MYLK: variants seen among roughly 807,000 people sequenced by gnomAD.
MYLK encodes myosin light chain kinase.
MYLK carries 106 observed loss-of-function variants against 203.4 expected under a neutral mutation model. The observed-to-expected ratio is 0.52, with a 90% confidence interval of 0.45 to 0.61. MYLK has a LOEUF of 0.61. Among genes scored for constraint, MYLK ranks in the 20% least tolerant of loss-of-function variants. The probability of loss-of-function intolerance (pLI) is 0.00; values close to 1 mark genes in which losing one functional copy is unlikely to be tolerated. For missense variants in MYLK, 2,072 were observed against 2,442.3 expected, an observed-to-expected ratio of 0.85 and a Z score of 3.20; for synonymous variants, 867 against 959.5, an observed-to-expected ratio of 0.90 and a Z score of 1.78.
In MYLK at chr3:123,699,963, G is replaced by C. The variant is rs1553802996; in HGVS notation, c.3448+57C>G. On this transcript the variant is annotated intron_variant, in intron 18 of 33. Transcript: ENST00000360304. Reference sequence around the variant, plus strand: ...GGTCAGCGAGACCAACGCTCCATGAGCTAGGAGTGGCCCTGGTACAGAGGC... The same window carrying C: ...GGTCAGCGAGACCAACGCTCCATGACCTAGGAGTGGCCCTGGTACAGAGGC... The C allele has an allele frequency of 3.1e-6, 5 of 1,611,928 alleles. No homozygotes were observed. The South Asian group carries it at 3.3e-5, about 11-fold the overall frequency.
intron 2 of MYLK, among the ~76,000 whole-genome samples, chr3:123,860,938 G>C (rs943235935): frequency 6.6e-6 from 1 of 152,030 alleles, no homozygotes; most frequent in Non-Finnish European, 1.5e-5. Context: ...AGACCATCCT[G>C]GCTAAAACGG....
rs549676121 is a variant in MYLK at position 123,664,290 on chromosome 3, C to G, written c.3832-32G>C. ...GCGGAGGATGGAGCAGGTGCTGGAG[C>G]CTTGGGCCCCTGGGCTAGGAAAGGA... On this transcript the variant is annotated intron_variant, in intron 22 of 33. Coordinates refer to ENST00000360304, the MANE Select transcript of MYLK (RefSeq NM_053025.4). 9 of 1,614,052 alleles carry G rather than the reference C, an allele frequency of 5.6e-6. No homozygotes were observed. The East Asian group carries it at 1.3e-4, about 24-fold the overall frequency.
At chr3:123,623,373 T>C (rs1018632154) in intron 31 of MYLK, 1 of 152,210 alleles carries the variant, frequency 6.6e-6, no homozygotes, top group Admixed American at 6.5e-5. Context: ...ACCCTGTTAA[T>C]CTGCTCAACC....
At chr3:123,669,706 A>G (rs977011889) in intron 20 of MYLK, among the ~76,000 whole-genome samples, 1 of 152,134 alleles carries the variant, frequency 6.6e-6, no homozygotes, top group African/African-American at 2.4e-5. Context: ...TAGAAGGAAC[A>G]GAGAAATGGA....
intron 24 of MYLK, among the ~76,000 whole-genome samples, chr3:123,651,499 T>C (rs2059210007): frequency 6.6e-6 from 1 of 152,238 alleles, no homozygotes; most frequent in Non-Finnish European, 1.5e-5. Flanking sequence ...CCTGTGGTGC[T>C]GCTGCCTGAT....
Position 123,664,089 on chromosome 3 carries a change from C to T in MYLK, c.3985+16G>A. The T allele has an allele frequency of 3.1e-6, 5 of 1,613,816 alleles. No individual in the cohort carries two copies. Among genetic ancestry groups the T allele is most frequent in the Non-Finnish European group, 4.2e-6 (5 of 1,179,910 alleles). Reference sequence around the variant, plus strand: ...CCCTTGCCCCAAGCTCCATGCCACCCAGCCACCAGACTCACCCACGACAGT... The same window carrying T: ...CCCTTGCCCCAAGCTCCATGCCACCTAGCCACCAGACTCACCCACGACAGT... On this transcript the variant is annotated intron_variant, in intron 23 of 33. Coordinates refer to ENST00000360304, the MANE Select transcript of MYLK (RefSeq NM_053025.4).
intron 2 of MYLK, among the ~76,000 whole-genome samples, chr3:123,842,528 G>A (rs781560897): frequency 9.9e-5 from 15 of 152,110 alleles, no homozygotes; most frequent in Non-Finnish European, 1.3e-4. Flanking sequence ...TACAAAATAT[G>A]CATTACTCTT....
chr3:123,731,880 T>C (rs1348136524), intron 11 of MYLK, among the ~76,000 whole-genome samples: 2 of 152,040 alleles, frequency 1.3e-5, no homozygotes, highest in Non-Finnish European at 1.5e-5. Context: ...GATGTTCCCA[T>C]AAAAACTTTT....
At chr3:123,748,232 T>G (rs1412381764) in intron 5 of MYLK, among the ~76,000 whole-genome samples, 1 of 152,188 alleles carries the variant, frequency 6.6e-6, no homozygotes. Flanking sequence ...AGATCTCATG[T>G]GAACTAACTG....
At chr3:123,747,290 A>G (rs2063048437) in intron 5 of MYLK, among the ~76,000 whole-genome samples, 1 of 152,086 alleles carries the variant, frequency 6.6e-6, no homozygotes, top group African/African-American at 2.4e-5. Flanking sequence ...GTCACAGTCT[A>G]GGTGACCTGC....
rs1334896115 is a variant in MYLK at position 123,861,352 on chromosome 3, G to A, written c.-127+15207C>T. On this transcript the variant is annotated intron_variant, in intron 2 of 33. Transcript: ENST00000360304. ...AGCAATGCGCCTGTAGAAGCCTGTA[G>A]GTGTCTGTCCTTCAGATCCCTCATC... Among the ~76,000 whole-genome samples the A allele has an allele frequency of 2.0e-5, 3 of 152,232 alleles. No homozygotes were observed. In the South Asian group the frequency reaches 6.2e-4, roughly 31 times the overall value.
At chr3:123,792,762 C>T (rs1364950198) in intron 4 of MYLK, among the ~76,000 whole-genome samples, 1 of 152,104 alleles carries the variant, frequency 6.6e-6, no homozygotes, top group Non-Finnish European at 1.5e-5. Context: ...CTGGTAGTGC[C>T]CAGAGAGAAA....
chr3:123,865,602 A>C (rs1236958471), intron 2 of MYLK, among the ~76,000 whole-genome samples: 1 of 152,214 alleles, frequency 6.6e-6, no homozygotes, highest in African/African-American at 2.4e-5. Context: ...CTCTGTCCTG[A>C]AGAAGCTCCA....
At chr3:123,622,826 T>C (rs1341803518) in intron 31 of MYLK, 2 of 152,230 alleles carry the variant, frequency 1.3e-5, no homozygotes, top group African/African-American at 2.4e-5. Context: ...GAGCTGACAA[T>C]TGGTTGTTGC....
intron 16 of MYLK, among the ~76,000 whole-genome samples, chr3:123,705,089 T>C (rs1332702979): frequency 6.6e-6 from 1 of 151,930 alleles, no homozygotes; most frequent in Non-Finnish European, 1.5e-5. Flanking sequence ...TGCCTCACAA[T>C]CCTAGCAGGG....
chr3:123,809,279 C>T (rs936926020), intron 3 of MYLK, among the ~76,000 whole-genome samples: 11 of 152,170 alleles, frequency 7.2e-5, no homozygotes, highest in African/African-American at 2.7e-4. Context: ...AATCCCAGCA[C>T]TTTGGGAGGC....
intron 11 of MYLK, among the ~76,000 whole-genome samples, chr3:123,729,693 C>A (rs1040079156): frequency 1.4e-4 from 21 of 152,048 alleles, no homozygotes; most frequent in African/African-American, 5.1e-4. Context: ...CCAGCCTGGG[C>A]AACATAGTAA....
intron 32 of MYLK, 99 bp downstream of exon 32, chr3:123,620,108 A>T: frequency 1.0e-6 from 1 of 974,548 alleles, no homozygotes; most frequent in Non-Finnish European, 1.5e-6. Context: ...GAATATTAAA[A>T]TAAAAAAAAA....
chr3:123,803,141 T>C (rs1218306546), intron 3 of MYLK, among the ~76,000 whole-genome samples: 1 of 152,074 alleles, frequency 6.6e-6, no homozygotes, highest in Non-Finnish European at 1.5e-5. Context: ...CAATTGACAA[T>C]CTCTCAAAAT....
Sources: gnomAD v4.1 joint callset for allele counts (sites outside exome capture counted in the v4.1 genomes callset) on GRCh38, gnomAD v4.1.1 for gene constraint, MANE v1.5 for transcripts, NCBI Gene and HGNC (gene_info 2026-07-23, HGNC 2026-07-21) for gene names.